The following RBFOX1 variants were observed in gnomAD, a reference collection of about 807,000 sequenced individuals.
RBFOX1 encodes the protein RNA binding protein fox-1 homolog 1.
Under a neutral mutation model 57.7 loss-of-function variants are expected in RBFOX1, and 8 were observed. That is an observed-to-expected ratio of 0.14 (90% CI 0.08 to 0.25). RBFOX1 has a LOEUF of 0.25. Among genes scored for constraint, RBFOX1 ranks in the 10% least tolerant of loss-of-function variants. The pLI is 1.00. For synonymous variants in RBFOX1, 326 were observed against 222.4 expected (o/e 1.47, Z -4.15); for missense variants, 611 against 548.5 (o/e 1.11, Z -1.14).
At chr16:7,240,289 A>T (rs1016931743) in intron 4 of RBFOX1, among the ~76,000 whole-genome samples, 4 of 152,124 alleles carry the variant, frequency 2.6e-5, no homozygotes, top group Non-Finnish European at 4.4e-5. Context: ...TTTAAGGATA[A>T]TAATAATGAA....
intron 4 of RBFOX1, among the ~76,000 whole-genome samples, chr16:7,231,461 C>G (rs1470767994): frequency 6.6e-6 from 1 of 152,118 alleles, no homozygotes; most frequent in African/African-American, 2.4e-5. Context: ...ATCATCCTAA[C>G]CAAACTTTTA....
chr16:5,892,369 T>G (rs1261963181), intron 4 of RBFOX1, among the ~76,000 whole-genome samples: 1 of 152,204 alleles, frequency 6.6e-6, no homozygotes, highest in Non-Finnish European at 1.5e-5. Flanking sequence ...TTTTCATTGC[T>G]TACTTCCTGG....
chr16:7,324,158 A>G (rs2096581188), intron 4 of RBFOX1, among the ~76,000 whole-genome samples: 1 of 152,186 alleles, frequency 6.6e-6, no homozygotes, highest in Non-Finnish European at 1.5e-5. Context: ...TGTCCTTTTT[A>G]CAATGAGCCA....
chr16:6,074,782 G>A (rs1299306158), intron 1 of RBFOX1, among the ~76,000 whole-genome samples: 4 of 152,140 alleles, frequency 2.6e-5, no homozygotes, highest in Admixed American at 2.6e-4. Context: ...CAAGCGTCAG[G>A]CCTCACGGGG....
chr16:6,435,471 G>C (rs1443634925), intron 2 of RBFOX1, among the ~76,000 whole-genome samples: 2 of 151,876 alleles, frequency 1.3e-5, no homozygotes, highest in Non-Finnish European at 1.5e-5. Context: ...GCTAATTTTT[G>C]TATTTCTTTT....
chr16:6,829,992 CT>C (rs1179411733), intron 3 of RBFOX1, among the ~76,000 whole-genome samples: 1 of 152,058 alleles, frequency 6.6e-6, no homozygotes, highest in African/African-American at 2.4e-5. Context: ...TCTCAGCTCT[CT>C]GCCACCTCCG....
intron 10 of RBFOX1, among the ~76,000 whole-genome samples, chr16:7,626,170 T>C (rs1374215994): frequency 6.6e-6 from 1 of 152,248 alleles, no homozygotes; most frequent in African/African-American, 2.4e-5. Flanking sequence ...TGCACTGCTG[T>C]TCCGGTTTGA....
chr16:5,460,000 T>C (rs1301184199), intron 1 of RBFOX1, among the ~76,000 whole-genome samples: 1 of 152,208 alleles, frequency 6.6e-6, no homozygotes, highest in African/African-American at 2.4e-5. Flanking sequence ...CTTCCTACAC[T>C]TGCATGTTTA....
chr16:7,001,519 T>C lies in RBFOX1; in HGVS notation c.-15-50538T>C, dbSNP rs1036838420. ...TTGCCGAGGATGGAGTACAGTTGCA[T>C]GATCTCAACTCGTTGCAACCTCCGC... On this transcript the variant is annotated intron_variant, in intron 3 of 15. Transcript: ENST00000550418. Among the ~76,000 whole-genome samples, 18 of 152,244 alleles carry C rather than the reference T, an allele frequency of 1.2e-4. 2 individuals carry two copies. The highest frequency in any genetic ancestry group is 1.4e-4 in the African/African-American group (6 of 41,550).
intron 3 of RBFOX1, among the ~76,000 whole-genome samples, chr16:6,904,615 A>T (rs1223532846): frequency 1.3e-5 from 2 of 149,050 alleles, no homozygotes; most frequent in Non-Finnish European, 3.0e-5. Context: ...AAAAAAAAAA[A>T]AAAAAAAAAA....
intron 2 of RBFOX1, among the ~76,000 whole-genome samples, chr16:5,503,180 CAT>C (rs1248421632): frequency 1.3e-5 from 2 of 152,308 alleles, no homozygotes; most frequent in African/African-American, 4.8e-5. Context: ...AGAGAATTAA[CAT>C]CTCTGTGCCA....
At chr16:7,200,696 A>G (rs1011803636) in intron 4 of RBFOX1, among the ~76,000 whole-genome samples, 1 of 152,178 alleles carries the variant, frequency 6.6e-6, no homozygotes, top group Non-Finnish European at 1.5e-5. Flanking sequence ...TTAAAGGATA[A>G]TAATGCTGTG....
chr16:6,187,388 G>A (rs1490253744), intron 1 of RBFOX1, among the ~76,000 whole-genome samples: 1 of 152,152 alleles, frequency 6.6e-6, no homozygotes, highest in Non-Finnish European at 1.5e-5. Flanking sequence ...TGACGAGGCT[G>A]AGAAACTAGA....
At chr16:5,582,791 A>C (rs941758593) in intron 2 of RBFOX1, among the ~76,000 whole-genome samples, 3 of 151,974 alleles carry the variant, frequency 2.0e-5, no homozygotes, top group Non-Finnish European at 1.5e-5. Flanking sequence ...TTCATTGAGG[A>C]GGTGGTTATC....
chr16:6,010,602 C>T (rs768796887), intron 4 of RBFOX1, among the ~76,000 whole-genome samples: 7 of 152,150 alleles, frequency 4.6e-5, no homozygotes, highest in Non-Finnish European at 1.0e-4. Flanking sequence ...ACGGAGTGTC[C>T]GCTGATTAAT....
upstream of RBFOX1, among the ~76,000 whole-genome samples, chr16:6,016,375 T>A (rs559590547): frequency 1.3e-5 from 2 of 152,132 alleles, no homozygotes; most frequent in South Asian, 4.2e-4. Flanking sequence ...GTATTCCTGG[T>A]TGGAGGAACA....
chr16:5,386,277 G>A (rs1192240718), intron 1 of RBFOX1, among the ~76,000 whole-genome samples: 1 of 152,050 alleles, frequency 6.6e-6, no homozygotes, highest in Non-Finnish European at 1.5e-5. Context: ...AGATAGAGCT[G>A]GGACTGGGCT....
At chr16:6,926,375 C>T (rs1250057754) in intron 3 of RBFOX1, among the ~76,000 whole-genome samples, 1 of 152,150 alleles carries the variant, frequency 6.6e-6, no homozygotes, top group Non-Finnish European at 1.5e-5. Flanking sequence ...CAACAGGAGA[C>T]CCGCCTGCAG....
intron 3 of RBFOX1, among the ~76,000 whole-genome samples, chr16:5,633,978 A>G (rs1334527440): frequency 1.3e-5 from 2 of 152,216 alleles, no homozygotes; most frequent in Non-Finnish European, 2.9e-5. Flanking sequence ...TTTGAAGGCC[A>G]ATTGTGAGCT....
Sources: gnomAD v4.1 joint callset for allele counts (sites outside exome capture counted in the v4.1 genomes callset) on GRCh38, gnomAD v4.1.1 for gene constraint, MANE v1.5 for transcripts, NCBI Gene and HGNC (gene_info 2026-07-23, HGNC 2026-07-21) for gene names.